SDK1: variants seen among roughly 807,000 people sequenced by gnomAD.
SDK1 encodes the protein sidekick cell adhesion molecule 1.
SDK1 carries 157 observed loss-of-function variants against 245.5 expected under a neutral mutation model. That is an observed-to-expected ratio of 0.64 (90% CI 0.56 to 0.73). SDK1 has a LOEUF of 0.73. SDK1 is among the 30% of genes least tolerant of loss of function. The pLI is 0.00. For synonymous variants in SDK1, 1,647 were observed against 1,278.5 expected, an observed-to-expected ratio of 1.29 and a Z score of -6.15; for missense variants, 3,583 against 3,002.3, an observed-to-expected ratio of 1.19 and a Z score of -4.52.
intron 4 of SDK1, among the ~76,000 whole-genome samples, chr7:3,783,538 A>G (rs370634760): frequency 3.9e-5 from 6 of 152,168 alleles, no homozygotes; most frequent in African/African-American, 1.4e-4. Context: ...TACAAAATCA[A>G]CACACAAAAA....
intron 4 of SDK1, among the ~76,000 whole-genome samples, chr7:3,764,639 G>A (rs1313346367): frequency 2.0e-5 from 3 of 151,858 alleles, no homozygotes; most frequent in African/African-American, 4.8e-5. Context: ...CAGGGATTGC[G>A]CCACCGCACT....
intron 5 of SDK1, among the ~76,000 whole-genome samples, chr7:3,833,296 G>C (rs966822698): frequency 6.6e-6 from 1 of 152,142 alleles, no homozygotes; most frequent in African/African-American, 2.4e-5. Flanking sequence ...TTTCACTGAT[G>C]ATGTATTTTG....
chr7:3,448,142 G>T (rs745809998), intron 1 of SDK1, among the ~76,000 whole-genome samples: 4 of 152,268 alleles, frequency 2.6e-5, no homozygotes, highest in South Asian at 2.1e-4. Context: ...GTTTACTGCA[G>T]TCTTGTATAA....
intron 5 of SDK1, among the ~76,000 whole-genome samples, 154 bp downstream of exon 5, chr7:3,821,737 C>A (rs1779651859): frequency 1.3e-5 from 2 of 151,942 alleles, no homozygotes; most frequent in Non-Finnish European, 2.9e-5. Context: ...GTTCGGAGAG[C>A]TTTAGGGCTC....
chr7:4,035,260 C>T (rs367613141), intron 17 of SDK1, among the ~76,000 whole-genome samples: 1 of 152,102 alleles, frequency 6.6e-6, no homozygotes, highest in African/African-American at 2.4e-5. Context: ...GCTGGGATTA[C>T]AGGTGTGTGC....
intron 1 of SDK1, among the ~76,000 whole-genome samples, chr7:3,542,694 T>C (rs761388768): frequency 6.6e-6 from 1 of 152,250 alleles, no homozygotes; most frequent in Non-Finnish European, 1.5e-5. Context: ...TACAGTACTA[T>C]TGTCTCTCTT....
rs189772539 is a variant in SDK1 at position 3,342,885 on chromosome 7, C to T, written c.298+41001C>T. Among the ~76,000 whole-genome samples, 39 of 151,880 alleles carry T rather than the reference C, an allele frequency of 2.6e-4. 1 individual carries two copies. In the East Asian group the frequency reaches 7.6e-3, roughly 29 times the overall value. ...GGACAAAAGACATCAACAGACTTTT[C>T]ACCAAAGAGGATATTTAAGTGGCAA... On this transcript the variant is annotated intron_variant, in intron 1 of 44. Coordinates refer to ENST00000404826, the MANE Select transcript of SDK1 (RefSeq NM_152744.4).
intron 5 of SDK1, among the ~76,000 whole-genome samples, chr7:3,921,362 C>G (rs778091323): frequency 1.3e-5 from 2 of 152,172 alleles, no homozygotes; most frequent in African/African-American, 4.8e-5. Context: ...ATTAACCTGT[C>G]TCCATCATTG....
chr7:3,880,103 G>A (rs867769253), intron 5 of SDK1, among the ~76,000 whole-genome samples: 1 of 152,222 alleles, frequency 6.6e-6, no homozygotes, highest in Non-Finnish European at 1.5e-5. Context: ...TGTGCCCTTT[G>A]ATAGTAAGGA....
intron 37 of SDK1, 53 bp downstream of exon 37, chr7:4,208,338 A>G: frequency 1.3e-6 from 2 of 1,546,316 alleles, no homozygotes; most frequent in Non-Finnish European, 1.8e-6. Flanking sequence ...ACGTGTTTTG[A>G]GAGCGCCAGC....
rs1233193892 is a variant in SDK1 at position 3,836,618 on chromosome 7, T to C, written c.847+15035T>C. ...ACAGGCTAAGATTCAGAAACATTTC[T>C]CTCCAAATGGGAAGTTTTCTAACAC... is the stretch of plus-strand genomic sequence containing the variant. On this transcript the variant is annotated intron_variant, in intron 5 of 44. Coordinates refer to ENST00000404826, the MANE Select transcript of SDK1 (RefSeq NM_152744.4). 2.0e-5 allele frequency among the ~76,000 whole-genome samples: 3 copies of C among 152,158 alleles called. No individual in the cohort carries two copies. In the East Asian group the frequency reaches 5.8e-4, roughly 29 times the overall value.
At chr7:3,871,101 G>C (rs368027251) in intron 5 of SDK1, among the ~76,000 whole-genome samples, 1 of 151,420 alleles carries the variant, frequency 6.6e-6, no homozygotes, top group African/African-American at 2.4e-5. Flanking sequence ...GTGTTTAGCA[G>C]ATAGATCCTG....
chr7:3,326,837 G>T (rs1488014619), intron 1 of SDK1, among the ~76,000 whole-genome samples: 4 of 152,020 alleles, frequency 2.6e-5, no homozygotes, highest in African/African-American at 7.3e-5. Context: ...AGGCTTCTCA[G>T]GCTGTCATTT....
At chr7:4,265,041 C>T in intron 44 of SDK1, 83 bp from the exon 45 acceptor site, 1 of 1,536,874 alleles carries the variant, frequency 6.5e-7, no homozygotes, top group Non-Finnish European at 8.7e-7. Context: ...GGGGAGGTGC[C>T]CCCACCGCCA....
rs75592320 is a variant in SDK1, at chr7:4,010,194, G to A, written c.2132-772G>A. ...ACAATTCAGAATGGGAACCGACAGC[G>A]GATGCTGGAAGTCACTGCCAAGACT... On this transcript the variant is annotated intron_variant, in intron 14 of 44. Coordinates refer to ENST00000404826, the MANE Select transcript of SDK1 (RefSeq NM_152744.4). Among the ~76,000 whole-genome samples, 84 of 152,342 alleles carry A rather than the reference G, an allele frequency of 5.5e-4. 1 individual carries two copies. In the East Asian group the frequency reaches 0.015, roughly 27 times the overall value.
intron 1 of SDK1, among the ~76,000 whole-genome samples, chr7:3,454,846 G>T (rs1022297377): frequency 2.0e-5 from 3 of 152,138 alleles, no homozygotes; most frequent in African/African-American, 4.8e-5. Context: ...TAGGATCTGT[G>T]CCCAAGTGTG....
chr7:4,009,921 C>T (rs1194628090), intron 14 of SDK1, among the ~76,000 whole-genome samples: 1 of 152,202 alleles, frequency 6.6e-6, no homozygotes, highest in Non-Finnish European at 1.5e-5. Context: ...GTTGGGGCTG[C>T]AGGTTTTTGG....
chr7:3,990,011 G>T (rs192461811), intron 14 of SDK1, among the ~76,000 whole-genome samples: 7 of 152,352 alleles, frequency 4.6e-5, no homozygotes, highest in Admixed American at 4.6e-4. Context: ...TCAGGCATCC[G>T]CAGAGGAGCC....
chr7:3,572,425 T>G (rs1228168143), intron 1 of SDK1, among the ~76,000 whole-genome samples: 1 of 151,958 alleles, frequency 6.6e-6, no homozygotes, highest in East Asian at 1.9e-4. Context: ...TACCAAGACC[T>G]AGGCTTGGCG....
Sources: gnomAD v4.1 joint callset for allele counts (sites outside exome capture counted in the v4.1 genomes callset) on GRCh38, gnomAD v4.1.1 for gene constraint, MANE v1.5 for transcripts, NCBI Gene and HGNC (gene_info 2026-07-23, HGNC 2026-07-21) for gene names.